The following C1D variants were observed in gnomAD, a reference collection of about 807,000 sequenced individuals.
The protein encoded by C1D is C1D nuclear receptor corepressor.
C1D carries 10 observed loss-of-function variants against 17.5 expected under a neutral mutation model. That is an observed-to-expected ratio of 0.57 (90% CI 0.35 to 0.97). C1D has a LOEUF of 0.97. C1D is among the 50% of genes least tolerant of loss of function. C1D has a pLI of 0.01. For missense variants in C1D, 136 were observed against 160.1 expected, an observed-to-expected ratio of 0.85 and a Z score of 0.81; for synonymous variants, 49 against 54.0, an observed-to-expected ratio of 0.91 and a Z score of 0.40.
At chr2:68,051,093 T>C (rs961044286) in intron 1 of C1D, among the ~76,000 whole-genome samples, 6 of 152,234 alleles carry the variant, frequency 3.9e-5, no homozygotes, top group Non-Finnish European at 7.3e-5. Context: ...CCCTCCTAAA[T>C]AGCCTTCTTG....
At chr2:68,051,984 T>C (rs1247993554) in intron 1 of C1D, among the ~76,000 whole-genome samples, 1 of 151,954 alleles carries the variant, frequency 6.6e-6, no homozygotes, top group Admixed American at 6.6e-5. Context: ...GTCAATACAT[T>C]TGTTGAAATA....
At chr2:68,052,936 A>G in intron 1 of C1D, 1 of 1,293,982 alleles carries the variant, frequency 7.7e-7, no homozygotes, top group East Asian at 2.5e-5. Flanking sequence ...GCCAGGCACT[A>G]CTCTAAGCAT....
chr2:68,047,706 G>A (rs1418321266), intron 1 of C1D, among the ~76,000 whole-genome samples: 3 of 152,146 alleles, frequency 2.0e-5, no homozygotes, highest in Non-Finnish European at 4.4e-5. Flanking sequence ...TGGGACTACA[G>A]GCCCATTGCC....
chr2:68,050,672 C>G (rs1413053653), intron 1 of C1D, among the ~76,000 whole-genome samples: 2 of 152,136 alleles, frequency 1.3e-5, no homozygotes, highest in African/African-American at 4.8e-5. Context: ...AGAGGCTGTT[C>G]CTGACTCTCT....
At chr2:68,062,770 G>A (rs1281576347) in intron 1 of C1D, among the ~76,000 whole-genome samples, 188 bp downstream of exon 1, 1 of 152,098 alleles carries the variant, frequency 6.6e-6, no homozygotes, top group African/African-American at 2.4e-5. Flanking sequence ...CAAAACAAGC[G>A]GAAGTGGGGG....
At chr2:68,054,566 T>A (rs1268174723) in intron 1 of C1D, among the ~76,000 whole-genome samples, 1 of 152,130 alleles carries the variant, frequency 6.6e-6, no homozygotes, top group Non-Finnish European at 1.5e-5. Flanking sequence ...CTTAATTGAT[T>A]ATGGATTTTA....
intron 1 of C1D, chr2:68,053,292 T>C: frequency 2.2e-6 from 3 of 1,366,318 alleles, no homozygotes; most frequent in Non-Finnish European, 2.9e-6. Flanking sequence ...TCTCACTGGT[T>C]ATACAGAAGC....
chr2:68,042,833 G>GC lies in C1D; in HGVS notation c.*55_*56insG. ...CCTGCCACAGAATTATTTTGCGGGG[G>GC]GGGGGGGGGGGGGGAAGATGTACTT... On this transcript the variant is annotated 3_prime_UTR_variant, in exon 5 of 5. Coordinates refer to ENST00000410067, the MANE Select transcript of C1D (RefSeq NM_173177.3). 9.8e-5 allele frequency: 5 copies of GC among 50,834 alleles called. No homozygotes were observed. Among genetic ancestry groups the GC allele is most frequent in the East Asian group, 9.4e-4 (2 of 2,128 alleles). The allele number at this position is 50,834 out of a possible 1,614,324, so 3.1% of individuals were successfully genotyped here.
chr2:68,060,256 T>C (rs1671580715), intron 1 of C1D, among the ~76,000 whole-genome samples: 1 of 152,226 alleles, frequency 6.6e-6, no homozygotes, highest in Non-Finnish European at 1.5e-5. Flanking sequence ...TCATCTGAAC[T>C]ACAACACCTC....
intron 1 of C1D, among the ~76,000 whole-genome samples, chr2:68,060,390 C>T (rs1466220346): frequency 1.3e-5 from 2 of 152,148 alleles, no homozygotes; most frequent in East Asian, 3.9e-4. Context: ...GCCTGTAATC[C>T]CAGCACTTTA....
rs1670994545 is a variant in C1D at position 68,042,725 on chromosome 2, A to G, written c.*164T>C. ...ATCCTCAGTGCTAATCAATAAAGATAATGATCTTTGGAGAGGAAAGTATTT... is the reference window on the plus strand; with the variant it reads ...ATCCTCAGTGCTAATCAATAAAGATGATGATCTTTGGAGAGGAAAGTATTT... On this transcript the variant is annotated 3_prime_UTR_variant, in exon 5 of 5. Coordinates refer to ENST00000410067, the MANE Select transcript of C1D (RefSeq NM_173177.3). The G allele has an allele frequency of 2.0e-6, 1 of 489,912 alleles. No homozygotes were observed. The highest frequency in any genetic ancestry group is 2.1e-5 in the South Asian group (1 of 46,720). 30.3% of individuals were successfully genotyped at this position (489,912 alleles called of 1,614,324 possible).
chr2:68,059,336 G>A (rs1671550128), intron 1 of C1D, among the ~76,000 whole-genome samples: 2 of 152,150 alleles, frequency 1.3e-5, no homozygotes, highest in South Asian at 4.1e-4. Flanking sequence ...TTCAACAAGA[G>A]ATTTGGAGGA....
chr2:68,054,582 A>T (rs1369394696), intron 1 of C1D, among the ~76,000 whole-genome samples: 1 of 152,168 alleles, frequency 6.6e-6, no homozygotes, highest in Non-Finnish European at 1.5e-5. Flanking sequence ...TTTTAATCAT[A>T]GCTTCAAAAT....
At chr2:68,045,074 C>T (rs1671081646) in intron 4 of C1D, among the ~76,000 whole-genome samples, 1 of 151,926 alleles carries the variant, frequency 6.6e-6, no homozygotes, top group East Asian at 1.9e-4. Context: ...TATTTTCCCC[C>T]CCAAGAACTT....
chr2:68,048,723 C>T (rs192211981), intron 1 of C1D, among the ~76,000 whole-genome samples: 2 of 152,050 alleles, frequency 1.3e-5, no homozygotes, highest in Non-Finnish European at 2.9e-5. Context: ...CAAAACTACA[C>T]AGAAAAGAAC....
intron 1 of C1D, among the ~76,000 whole-genome samples, chr2:68,056,485 A>G (rs753650879): frequency 3.9e-5 from 6 of 152,200 alleles, no homozygotes; most frequent in Non-Finnish European, 7.3e-5. Context: ...ACAAATAAAC[A>G]AACACCCAAG....
intron 1 of C1D, among the ~76,000 whole-genome samples, chr2:68,060,071 T>C (rs1671572972): frequency 6.6e-6 from 1 of 152,238 alleles, no homozygotes; most frequent in Non-Finnish European, 1.5e-5. Context: ...TACTTCTCAG[T>C]TAATGGCAAT....
chr2:68,042,784 A>G lies in C1D; in HGVS notation c.*105T>C. 1 of 577,080 alleles carries G rather than the reference A, an allele frequency of 1.7e-6. No individual in the cohort carries two copies. The highest frequency in any genetic ancestry group is 1.9e-5 in the South Asian group (1 of 51,946). 35.7% of individuals were successfully genotyped at this position (577,080 alleles called of 1,614,324 possible). A position where few individuals can be genotyped will look rare whatever the true frequency, so the allele number is the denominator to read the frequency against. On this transcript the variant is annotated 3_prime_UTR_variant, in exon 5 of 5. Coordinates refer to ENST00000410067, the MANE Select transcript of C1D (RefSeq NM_173177.3). ...ATATTTACTGTGAATTTACATATTAATAAGAAACACATTTAAACCTTGCCC... is the reference window on the plus strand; with the variant it reads ...ATATTTACTGTGAATTTACATATTAGTAAGAAACACATTTAAACCTTGCCC...
chr2:68,044,170 T>C (rs1030861331), intron 4 of C1D, among the ~76,000 whole-genome samples: 1 of 152,166 alleles, frequency 6.6e-6, no homozygotes, highest in African/African-American at 2.4e-5. Context: ...ACATACTACA[T>C]ATTCATATAT....
Sources: allele counts gnomAD v4.1 joint callset (sites outside exome capture counted in the v4.1 genomes callset), GRCh38; gene constraint gnomAD v4.1.1; transcripts MANE v1.5; gene names NCBI Gene and HGNC (gene_info 2026-07-23, HGNC 2026-07-21).